BBS9: variants seen among roughly 807,000 people sequenced by gnomAD.
BBS9 encodes the protein protein PTHB1.
BBS9 carries 89 observed loss-of-function variants against 117.7 expected under a neutral mutation model. The observed-to-expected ratio is 0.76, with a 90% CI of 0.64 to 0.90. The LOEUF (loss-of-function observed/expected upper bound fraction) is 0.90, where lower values mean the gene tolerates loss of function less well. Ranked by LOEUF, BBS9 falls within the 40% of genes least tolerant of loss-of-function variation. BBS9 has a pLI of 0.00. For missense variants in BBS9, 982 were observed against 1,042.2 expected (o/e 0.94, Z 0.80); for synonymous variants, 379 against 370.9 (o/e 1.02, Z -0.25).
intron 9 of BBS9, among the ~76,000 whole-genome samples, chr7:33,334,119 T>C (rs767731995): frequency 9.2e-5 from 14 of 152,240 alleles, no homozygotes; most frequent in Non-Finnish European, 1.6e-4. Context: ...ATCCAAACTC[T>C]TCCTATTTGA....
chr7:33,374,880 G>A (rs1378866957), intron 17 of BBS9, among the ~76,000 whole-genome samples: 2 of 119,726 alleles, frequency 1.7e-5, no homozygotes, highest in South Asian at 5.1e-4. Context: ...CAGCCTGGGC[G>A]ACAAGAGTGA....
intron 21 of BBS9, among the ~76,000 whole-genome samples, chr7:33,615,644 A>G (rs1585481661): frequency 6.6e-6 from 1 of 152,134 alleles, no homozygotes; most frequent in African/African-American, 2.4e-5. Flanking sequence ...AAAAAGAAAC[A>G]AATATTTGAA....
intron 20 of BBS9, among the ~76,000 whole-genome samples, chr7:33,514,166 G>C (rs940631195): frequency 6.6e-6 from 1 of 152,190 alleles, no homozygotes; most frequent in Non-Finnish European, 1.5e-5. Context: ...TACTTAACTA[G>C]CTCTGTGTCC....
chr7:33,414,052 G>A (rs1219088197), intron 19 of BBS9, among the ~76,000 whole-genome samples: 3 of 151,732 alleles, frequency 2.0e-5, no homozygotes, highest in African/African-American at 2.4e-5. Flanking sequence ...AACAAAAAAC[G>A]AAAACAAACA....
chr7:33,562,954 C>A (rs1208616111), intron 21 of BBS9, among the ~76,000 whole-genome samples: 1 of 151,938 alleles, frequency 6.6e-6, no homozygotes, highest in Non-Finnish European at 1.5e-5. Context: ...AGAAAGGAGA[C>A]CATTCTTAAC....
chr7:33,348,646 T>A (rs1818043527), intron 12 of BBS9, among the ~76,000 whole-genome samples: 1 of 152,206 alleles, frequency 6.6e-6, no homozygotes, highest in Non-Finnish European at 1.5e-5. Context: ...AAACTTTTCT[T>A]AGAGTAGCTG....
chr7:33,579,583 T>C (rs1354440304), intron 21 of BBS9, among the ~76,000 whole-genome samples: 1 of 152,164 alleles, frequency 6.6e-6, no homozygotes, highest in South Asian at 2.1e-4. Context: ...ATATTACCTG[T>C]CATTTTAATG....
At chr7:33,577,397 AAAC>A (rs1461145528) in intron 21 of BBS9, among the ~76,000 whole-genome samples, 1 of 152,214 alleles carries the variant, frequency 6.6e-6, no homozygotes, top group Non-Finnish European at 1.5e-5. Context: ...AAAAGTCAGG[AAAC>A]AACAGATGCT....
intron 19 of BBS9, among the ~76,000 whole-genome samples, chr7:33,490,535 G>C (rs535267971): frequency 6.6e-6 from 1 of 152,080 alleles, no homozygotes; most frequent in Non-Finnish European, 1.5e-5. Context: ...TAGTCATTAA[G>C]AATTATCTCA....
At chr7:33,311,387 A>G (rs1337372625) in intron 9 of BBS9, among the ~76,000 whole-genome samples, 1 of 152,202 alleles carries the variant, frequency 6.6e-6, no homozygotes, top group Non-Finnish European at 1.5e-5. Flanking sequence ...CTGAAATATT[A>G]TCTAATTGTG....
intron 5 of BBS9, among the ~76,000 whole-genome samples, chr7:33,189,106 TG>T (rs1182436140): frequency 2.0e-5 from 3 of 152,164 alleles, no homozygotes; most frequent in African/African-American, 7.2e-5. Flanking sequence ...CTGCAACCTC[TG>T]CCTCCCGAGT....
chr7:33,300,559 C>A (rs572618216), intron 9 of BBS9, among the ~76,000 whole-genome samples: 1 of 149,758 alleles, frequency 6.7e-6, no homozygotes, highest in South Asian at 2.1e-4. Context: ...CTTGCAGTTG[C>A]CAGGGTTATA....
chr7:33,183,570 A>G (rs1798385227), intron 5 of BBS9, among the ~76,000 whole-genome samples: 2 of 152,216 alleles, frequency 1.3e-5, no homozygotes, highest in South Asian at 2.1e-4. Flanking sequence ...AGGTGAAACC[A>G]ATAAGCCTTA....
intron 1 of BBS9, among the ~76,000 whole-genome samples, chr7:33,143,191 G>A (rs915197596): frequency 2.6e-5 from 4 of 152,010 alleles, no homozygotes; most frequent in Admixed American, 2.6e-4. Context: ...GGATGGTCTC[G>A]ATCTCCTGAC....
At chr7:33,527,361 G>A (rs1395755161) in intron 20 of BBS9, among the ~76,000 whole-genome samples, 1 of 152,162 alleles carries the variant, frequency 6.6e-6, no homozygotes, top group Non-Finnish European at 1.5e-5. Context: ...CTGCCGCCTT[G>A]CAGTGTGATC....
chr7:33,218,947 C>G (rs1252832368), intron 5 of BBS9, among the ~76,000 whole-genome samples: 1 of 152,250 alleles, frequency 6.6e-6, no homozygotes, highest in Non-Finnish European at 1.5e-5. Flanking sequence ...CCAGAGCTGG[C>G]TCCCTCAGCT....
intron 5 of BBS9, among the ~76,000 whole-genome samples, chr7:33,211,174 T>G (rs1177098273): frequency 6.6e-6 from 1 of 152,340 alleles, no homozygotes; most frequent in African/African-American, 2.4e-5. Context: ...CATTTAATGT[T>G]ATTATTGATA....
chr7:33,316,567 G>C (rs1276388807), intron 9 of BBS9, among the ~76,000 whole-genome samples: 1 of 152,156 alleles, frequency 6.6e-6, no homozygotes, highest in Non-Finnish European at 1.5e-5. Context: ...AGTACTATCA[G>C]TCTTTTTAAT....
rs777940429 is a variant in BBS9 at position 33,596,257 on chromosome 7, A to AACACAC, written c.2522-8571_2522-8566dup. On this transcript the variant is annotated intron_variant, in intron 21 of 22. Transcript: ENST00000242067. Reference sequence around the variant, plus strand: ...AGATGGCCCCTGAGCACAGAACAGAAACACACACACACACACACACACACA... The same window carrying AACACAC: ...AGATGGCCCCTGAGCACAGAACAGAAACACACACACACACACACACACACACACACA... Among the ~76,000 whole-genome samples the AACACAC allele has an allele frequency of 7.1e-3, 845 of 118,842 alleles. 3 individuals carry two copies. Among genetic ancestry groups the AACACAC allele is most frequent in the Non-Finnish European group, 0.01 (589 of 58,682 alleles). 78.0% of individuals were successfully genotyped at this position (118,842 alleles called of 152,430 possible). A position where few individuals can be genotyped will look rare whatever the true frequency, so the allele number is the denominator to read the frequency against.
Sources: allele counts gnomAD v4.1 joint callset (sites outside exome capture counted in the v4.1 genomes callset), GRCh38; gene constraint gnomAD v4.1.1; transcripts MANE v1.5; gene names NCBI Gene and HGNC (gene_info 2026-07-23, HGNC 2026-07-21).